The following RMDN2 variants were observed in gnomAD, a reference collection of about 807,000 sequenced individuals.
The protein encoded by RMDN2 is regulator of microtubule dynamics protein 2.
RMDN2 carries 61 observed loss-of-function variants against 52.8 expected under a neutral mutation model. The ratio of observed to expected loss-of-function variants is 1.16; its 90% CI spans 0.94 to 1.43. RMDN2 has a LOEUF of 1.43. Ranked by LOEUF, RMDN2 falls within the 40% of genes most tolerant of loss-of-function variation. The probability of loss-of-function intolerance (pLI) is 0.00; values close to 1 mark genes in which losing one functional copy is unlikely to be tolerated. For synonymous variants in RMDN2, 180 were observed against 153.1 expected (o/e 1.18, Z -1.30); for missense variants, 592 against 475.3 (o/e 1.25, Z -2.28).
chr2:37,926,569 A>T (rs1035633704), intron 1 of RMDN2, among the ~76,000 whole-genome samples: 2 of 149,638 alleles, frequency 1.3e-5, no homozygotes, highest in African/African-American at 5.1e-5. Flanking sequence ...TAGAGTTTTA[A>T]AATCTGTTTG....
chr2:38,032,927 AC>A (rs1418247976), intron 10 of RMDN2: 1 of 151,898 alleles, frequency 6.6e-6, no homozygotes, highest in Non-Finnish European at 1.5e-5. Context: ...AGACATAAAA[AC>A]CCCAAAGTGG....
intron 8 of RMDN2, among the ~76,000 whole-genome samples, chr2:37,999,820 C>T (rs189190381): frequency 3.3e-5 from 5 of 152,102 alleles, no homozygotes; most frequent in East Asian, 3.9e-4. Flanking sequence ...AGCTGGATCC[C>T]GTAGAGGTTG....
intron 10 of RMDN2, among the ~76,000 whole-genome samples, chr2:38,038,546 C>T (rs184654282): frequency 5.4e-4 from 82 of 152,320 alleles, no homozygotes; most frequent in Non-Finnish European, 9.1e-4. Flanking sequence ...CCAGCTGCGC[C>T]TGGAGCTAAA....
At chr2:38,032,000 G>C (rs1199492333) in intron 10 of RMDN2, among the ~76,000 whole-genome samples, 1 of 151,822 alleles carries the variant, frequency 6.6e-6, no homozygotes, top group South Asian at 2.1e-4. Context: ...TTCTAAAAAA[G>C]AAAAAAAGTG....
intron 2 of RMDN2, among the ~76,000 whole-genome samples, chr2:37,962,837 C>T (rs988034372): frequency 1.3e-5 from 2 of 152,122 alleles, no homozygotes; most frequent in African/African-American, 2.4e-5. Context: ...GGTGTAGGCA[C>T]CCGAGGGAAT....
intron 10 of RMDN2, among the ~76,000 whole-genome samples, chr2:38,040,120 G>T (rs1378940305): frequency 6.7e-6 from 1 of 149,536 alleles, no homozygotes; most frequent in African/African-American, 2.4e-5. Context: ...AGTACTACTT[G>T]TTAAAAGACT....
At chr2:37,978,813 T>TAGATAGAG (rs1180325489) in intron 4 of RMDN2, among the ~76,000 whole-genome samples, 3 of 151,714 alleles carry the variant, frequency 2.0e-5, no homozygotes, top group Admixed American at 6.6e-5. Flanking sequence ...GATAGATAGA[T>TAGATAGAG]AGAGAACAGG....
intron 2 of RMDN2, among the ~76,000 whole-genome samples, chr2:37,966,468 T>TG (rs70949790): frequency 1 from 152,245 of 152,248 alleles, 76,121 homozygotes; most frequent in Non-Finnish European, 1. Context: ...TTCCTAGATT[T>TG]GGCTTTGGCC....
intron 1 of RMDN2, among the ~76,000 whole-genome samples, chr2:37,926,040 G>A (rs1018775987): frequency 6.6e-6 from 1 of 152,192 alleles, no homozygotes; most frequent in African/African-American, 2.4e-5. Context: ...GGTTTTCCAG[G>A]ACGCTGTAGG....
intron 10 of RMDN2, among the ~76,000 whole-genome samples, chr2:38,062,712 AC>A (rs1164172110): frequency 6.6e-6 from 1 of 151,624 alleles, no homozygotes; most frequent in Non-Finnish European, 1.5e-5. Context: ...GGTGTGCTGC[AC>A]CCATTAACTT....
intron 10 of RMDN2, chr2:38,027,342 G>A (rs982186159): frequency 3.3e-5 from 5 of 152,078 alleles, no homozygotes; most frequent in Non-Finnish European, 5.9e-5. Context: ...CCAATGTCTT[G>A]AAAACCATTC....
rs575092568 is a variant in RMDN2, at chr2:38,063,279, G to C, written c.1714-3703G>C. ...TTTCTCCACATCCTCTCCAGCACCT[G>C]TTGTTTCCTGACTTTTTAATGATCG... On this transcript the variant is annotated intron_variant, in intron 10 of 10. Coordinates refer to the RMDN2 transcript ENST00000234195. Among the ~76,000 whole-genome samples, 7 of 152,254 alleles carry C rather than the reference G, an allele frequency of 4.6e-5. No homozygotes were observed. In the East Asian group the frequency reaches 1.2e-3, roughly 25 times the overall value.
intron 10 of RMDN2, among the ~76,000 whole-genome samples, chr2:38,037,508 CAAAGG>C: frequency 1.3e-5 from 2 of 152,302 alleles, no homozygotes; most frequent in East Asian, 3.9e-4. Context: ...GTGGCAACAC[CAAAGG>C]AATTTTATGA....
At chr2:37,955,554 G>C (rs1669339342) in intron 2 of RMDN2, among the ~76,000 whole-genome samples, 1 of 152,082 alleles carries the variant, frequency 6.6e-6, no homozygotes, top group Non-Finnish European at 1.5e-5. Context: ...ATTCCCACAT[G>C]TTGTGGGAGG....
intron 10 of RMDN2, among the ~76,000 whole-genome samples, chr2:38,011,371 C>T (rs937792228): frequency 6.6e-6 from 1 of 152,186 alleles, no homozygotes; most frequent in Non-Finnish European, 1.5e-5. Context: ...GAGCTGTTGA[C>T]TGGTGTTGTG....
chr2:37,953,500 T>C (rs900774884), intron 2 of RMDN2, among the ~76,000 whole-genome samples: 5 of 152,070 alleles, frequency 3.3e-5, no homozygotes, highest in Non-Finnish European at 5.9e-5. Flanking sequence ...GCTTCATCCA[T>C]GTTACAGCAT....
At chr2:38,066,068 G>T (rs1278582865) in intron 10 of RMDN2, among the ~76,000 whole-genome samples, 4 of 152,178 alleles carry the variant, frequency 2.6e-5, no homozygotes, top group Non-Finnish European at 5.9e-5. Flanking sequence ...AAGATAATGG[G>T]CTTTGAATTA....
chr2:37,928,454 G>C (rs184646583), intron 1 of RMDN2, among the ~76,000 whole-genome samples: 108 of 152,198 alleles, frequency 7.1e-4, no homozygotes, highest in African/African-American at 2.6e-3. Context: ...GTGAATTTCG[G>C]GTATACAACC....
intron 10 of RMDN2, among the ~76,000 whole-genome samples, chr2:38,038,925 A>G (rs574520792): frequency 1.1e-4 from 16 of 152,164 alleles, no homozygotes; most frequent in African/African-American, 3.4e-4. Context: ...TGGTTCCCAT[A>G]GAGGTGTACC....
Sources: allele counts gnomAD v4.1 joint callset (sites outside exome capture counted in the v4.1 genomes callset), GRCh38; gene constraint gnomAD v4.1.1; transcripts MANE v1.5; gene names NCBI Gene and HGNC (gene_info 2026-07-23, HGNC 2026-07-21).